The following PARD3 variants were observed in gnomAD, a reference collection of about 807,000 sequenced individuals.
PARD3 encodes the protein partitioning defective 3 homolog.
In PARD3, 75 loss-of-function variants were observed where a neutral mutation model predicts 155.4. The ratio of observed to expected loss-of-function variants is 0.48; its 90% CI spans 0.40 to 0.58. The LOEUF is 0.58. Among genes scored for constraint, PARD3 ranks in the 20% least tolerant of loss-of-function variants. The pLI is 0.00. For missense variants in PARD3, 1,642 were observed against 1,721.7 expected (o/e 0.95, Z 0.82); for synonymous variants, 576 against 610.5 (o/e 0.94, Z 0.83).
At chr10:34,392,254 T>C (rs1219180567) in intron 7 of PARD3, among the ~76,000 whole-genome samples, 2 of 152,076 alleles carry the variant, frequency 1.3e-5, no homozygotes, top group Non-Finnish European at 2.9e-5. Context: ...TGGACAATAA[T>C]GTAACTAAGC....
At chr10:34,274,439 A>G (rs528521697) in intron 21 of PARD3, among the ~76,000 whole-genome samples, 18 of 152,316 alleles carry the variant, frequency 1.2e-4, no homozygotes, top group African/African-American at 3.1e-4. Flanking sequence ...TTGACCAGAA[A>G]TCACTAGCAG....
intron 1 of PARD3, among the ~76,000 whole-genome samples, chr10:34,761,256 C>A (rs992589292): frequency 6.6e-6 from 1 of 151,770 alleles, no homozygotes; most frequent in Non-Finnish European, 1.5e-5. Flanking sequence ...ACTAAAAATA[C>A]AAAAATTAGC....
At chr10:34,673,533 A>G (rs2477000) in intron 2 of PARD3, among the ~76,000 whole-genome samples, 45,393 of 152,024 alleles carry the variant, frequency 0.3, 6,879 homozygotes, top group South Asian at 0.38. Flanking sequence ...GTTCCAGAAT[A>G]TTTTCATATT....
At position 34,348,049 on chromosome 10, in the gene PARD3, G is replaced by C. The variant is rs775291320; in HGVS notation, c.2134C>G (p.Arg712Gly). 2 of 1,613,112 alleles carry C rather than the reference G, an allele frequency of 1.2e-6. No homozygotes were observed. The highest frequency in any genetic ancestry group is 1.3e-5 in the African/African-American group (1 of 74,902). ...PIETALDDRE[R>G]RISHSLYSGI... ...CTGTAGAGGGAATGGGAAATTCTTC[G>C]TTCTCTATCATCCAACGCTGTTTCA... Residue 712 changes from arginine to glycine, a missense_variant, in exon 15 of 25, where the codon CGA (arginine) becomes GGA (glycine). By Grantham distance (125) the Arg-to-Gly change is moderately radical (BLOSUM62 -2). Transcript: ENST00000374788.
intron 20 of PARD3, among the ~76,000 whole-genome samples, chr10:34,295,440 T>C (rs1956862842): frequency 6.6e-6 from 1 of 152,208 alleles, no homozygotes; most frequent in Admixed American, 6.5e-5. Context: ...CTCAGAACTG[T>C]CACGTCTGCA....
At chr10:34,113,076 A>C (rs1036640596) in intron 24 of PARD3, among the ~76,000 whole-genome samples, 3 of 152,234 alleles carry the variant, frequency 2.0e-5, no homozygotes, top group Non-Finnish European at 2.9e-5. Context: ...TTAATCATGA[A>C]ACTTTAATTA....
intron 2 of PARD3, among the ~76,000 whole-genome samples, chr10:34,535,242 A>G (rs1357650704): frequency 6.6e-6 from 1 of 152,168 alleles, no homozygotes; most frequent in East Asian, 1.9e-4. Context: ...TGGAAAGAAG[A>G]AATTCTTCTA....
chr10:34,201,665 A>G (rs895309075), intron 22 of PARD3, among the ~76,000 whole-genome samples: 9 of 152,196 alleles, frequency 5.9e-5, no homozygotes, highest in Non-Finnish European at 1.3e-4. Context: ...CTGTGTGTTA[A>G]AATTCAAGGA....
intron 14 of PARD3, among the ~76,000 whole-genome samples, chr10:34,352,426 G>A (rs1027231567): frequency 1.3e-5 from 2 of 152,038 alleles, no homozygotes; most frequent in African/African-American, 2.4e-5. Context: ...CTGCCATCTC[G>A]GCTCACTGCA....
intron 3 of PARD3, among the ~76,000 whole-genome samples, chr10:34,516,228 G>C (rs1273393497): frequency 6.6e-6 from 1 of 152,094 alleles, no homozygotes; most frequent in Non-Finnish European, 1.5e-5. Context: ...GCCTCCCAAA[G>C]TGCTGGGATT....
chr10:34,374,929 C>T lies in PARD3; in HGVS notation c.1613G>A (p.Gly538Glu), dbSNP rs1841065182. Residue 538 changes from glycine (G) to glutamate (E), a missense_variant, in exon 11 of 25, where the codon GGA (glycine) becomes GAA (glutamate). Physicochemically the swap from Gly to Glu is moderately conservative, Grantham distance 98. Transcript: ENST00000374788. ...VSLLRSTKME[G>E]TVSLLVFRQE... ...GCGAAAGACCAGAAGGCTCACAGTT[C>T]CTTCCATCTTGGTGCTTCTCAACAG... 1 of 1,613,960 alleles carries T rather than the reference C, an allele frequency of 6.2e-7. No homozygotes were observed. Among genetic ancestry groups the T allele is most frequent in the Non-Finnish European group, 8.5e-7 (1 of 1,179,898 alleles).
chr10:34,116,524 C>G (rs974672107), intron 24 of PARD3, among the ~76,000 whole-genome samples: 3 of 152,176 alleles, frequency 2.0e-5, no homozygotes, highest in Admixed American at 2.0e-4. Flanking sequence ...TTTCCCTTCC[C>G]TCAGATCTCT....
At chr10:34,323,135 T>C (rs1265348442) in intron 19 of PARD3, among the ~76,000 whole-genome samples, 2 of 152,152 alleles carry the variant, frequency 1.3e-5, no homozygotes, top group Non-Finnish European at 1.5e-5. Context: ...TCAAGAACGC[T>C]GGGGACATAA....
Position 34,537,191 on chromosome 10 carries a change from C to A in PARD3, c.223-20032G>T, listed in dbSNP as rs376785522. On this transcript the variant is annotated intron_variant, in intron 2 of 24. Transcript: ENST00000374788. ...CTTATGTTTTAATTTTCTGTAGAGA[C>A]AGGGTCTCAATGTATTGCCTAGGCT... Among the ~76,000 whole-genome samples, 60 of 152,206 alleles carry A rather than the reference C, an allele frequency of 3.9e-4. 1 individual carries two copies. The South Asian group carries it at 0.012, about 29-fold the overall frequency.
intron 5 of PARD3, among the ~76,000 whole-genome samples, chr10:34,409,039 T>C (rs764386253): frequency 6.6e-6 from 1 of 152,154 alleles, no homozygotes. Context: ...ATGTAATCAC[T>C]GTATATAAGC....
intron 21 of PARD3, among the ~76,000 whole-genome samples, chr10:34,270,768 G>A (rs544388824): frequency 4.7e-4 from 72 of 152,086 alleles, no homozygotes; most frequent in Non-Finnish European, 9.3e-4. Flanking sequence ...TACAGAAATG[G>A]AGAATCCTTA....
At chr10:34,569,607 C>T (rs139581130) in intron 2 of PARD3, among the ~76,000 whole-genome samples, 4,127 of 151,960 alleles carry the variant, frequency 0.027, 178 homozygotes, top group African/African-American at 0.093. Context: ...TTAGTAGAGA[C>T]GGGGTTTCAC....
At chr10:34,273,366 T>G (rs1192144253) in intron 21 of PARD3, among the ~76,000 whole-genome samples, 1 of 152,180 alleles carries the variant, frequency 6.6e-6, no homozygotes, top group East Asian at 1.9e-4. Context: ...AAGGGCATCA[T>G]GCAATGTGAA....
intron 15 of PARD3, 48 bp downstream of exon 15, chr10:34,347,917 T>C (rs1262441936): frequency 6.6e-7 from 1 of 1,518,982 alleles, no homozygotes; most frequent in East Asian, 2.3e-5. Context: ...AGTAAACCAA[T>C]GAAAGCATCA....
Sources: gnomAD v4.1 joint callset for allele counts (sites outside exome capture counted in the v4.1 genomes callset) on GRCh38, gnomAD v4.1.1 for gene constraint, MANE v1.5 for transcripts, NCBI Gene and HGNC (gene_info 2026-07-23, HGNC 2026-07-21) for gene names.